Variants in COX15 observed in about 807,000 individuals in gnomAD.
The protein encoded by COX15 is cytochrome c oxidase assembly factor COX15.
COX15 carries 51 observed loss-of-function variants against 51.9 expected under a neutral mutation model. That is an observed-to-expected ratio of 0.98 (90% confidence interval 0.78 to 1.24). COX15 has a LOEUF of 1.24. Ranked by LOEUF, COX15 falls within the 50% of genes most tolerant of loss-of-function variation. The pLI is 0.00. For missense variants in COX15, 420 were observed against 501.1 expected, an observed-to-expected ratio of 0.84 and a Z score of 1.55; for synonymous variants, 188 against 190.5, an observed-to-expected ratio of 0.99 and a Z score of 0.11.
At chr10:99,721,163 G>A (rs2036756839) in intron 5 of COX15, 95 bp from the exon 6 acceptor site, 1 of 943,712 alleles carries the variant, frequency 1.1e-6, no homozygotes. Context: ...GACAAATTAA[G>A]ATCAGATCTT....
downstream of COX15, among the ~76,000 whole-genome samples, chr10:99,707,097 T>C (rs12243417): frequency 3.2e-3 from 492 of 152,376 alleles, 3 homozygotes; most frequent in African/African-American, 0.011. Flanking sequence ...TTTTTATAGT[T>C]GAGAATCTCA....
At position 99,717,185 on chromosome 10, in the gene COX15, C is replaced by T. The variant is rs150220775; in HGVS notation, c.988-724G>A. ...AGCCCTCTGGCCCCCTCTCTCTGGA[C>T]GTGCTGCTCTCATCTCACACTCAAC... On this transcript the variant is annotated intron_variant, in intron 7 of 8. Transcript: ENST00000016171. 4.3e-3 allele frequency among the ~76,000 whole-genome samples: 647 copies of T among 152,224 alleles called. 13 individuals carry two copies. Among genetic ancestry groups the T allele is most frequent in the Non-Finnish European group, 2.7e-3 (187 of 68,010 alleles).
chr10:99,720,563 C>T (rs1381012458), intron 6 of COX15, among the ~76,000 whole-genome samples: 4 of 152,228 alleles, frequency 2.6e-5, no homozygotes, highest in African/African-American at 9.6e-5. Context: ...GTGATGATAA[C>T]AATGTTTATA....
At chr10:99,700,580 ATT>A in the COX15 span, among the ~76,000 whole-genome samples, 2 of 152,170 alleles carry the variant, frequency 1.3e-5, no homozygotes, top group Non-Finnish European at 2.9e-5. Flanking sequence ...AAAAGGAATG[ATT>A]ATTTTGGTGA....
At chr10:99,702,203 A>G in the COX15 span, among the ~76,000 whole-genome samples, 11 of 152,082 alleles carry the variant, frequency 7.2e-5, no homozygotes, top group African/African-American at 2.7e-4. Flanking sequence ...TCTTACTTCA[A>G]CTGGGTTGTT....
At chr10:99,729,871 G>T in intron 1 of COX15, 137 bp from the exon 2 acceptor site, 1 of 877,804 alleles carries the variant, frequency 1.1e-6, no homozygotes, top group Non-Finnish European at 1.8e-6. Context: ...CTCTTATCTG[G>T]ATTACTGCAT....
chr10:99,713,431 C>T lies in COX15; in HGVS notation c.*1156G>A, dbSNP rs1435005100. 4.3e-6 allele frequency: 7 copies of T among 1,613,916 alleles called. No homozygotes were observed. The South Asian group carries it at 5.5e-5, about 13-fold the overall frequency. ...TCCTCAAATCAGATGTTTCTGATGC[C>T]TTCATCCAAATCACTGATTTTAAAA... is the stretch of plus-strand genomic sequence containing the variant. On this transcript the variant is annotated 3_prime_UTR_variant, in exon 9 of 9. Coordinates refer to ENST00000016171, the MANE Select transcript of COX15 (RefSeq NM_078470.6).
intron 6 of COX15, among the ~76,000 whole-genome samples, chr10:99,719,404 G>T (rs1039092288): frequency 6.6e-6 from 1 of 152,090 alleles, no homozygotes; most frequent in Non-Finnish European, 1.5e-5. Context: ...ACGTTGACCA[G>T]GCTGGTCTCG....
At chr10:99,708,760 G>C (rs1231877001), downstream of COX15, 1 of 870,284 alleles carries the variant, frequency 1.1e-6, no homozygotes, top group Non-Finnish European at 1.4e-6. Context: ...GATTTATATG[G>C]GTGATAAAAC....
chr10:99,704,588 C>G, the COX15 span: 2 of 1,614,150 alleles, frequency 1.2e-6, no homozygotes, highest in South Asian at 2.2e-5. Context: ...GCGGCTACGC[C>G]GAATTCACCA....
downstream of COX15, chr10:99,709,636 A>G (rs778853328): frequency 5.1e-6 from 5 of 985,360 alleles, no homozygotes; most frequent in Non-Finnish European, 6.0e-6. Context: ...CATAACCTGG[A>G]TCTAAGTTGG....
intron 8 of COX15, among the ~76,000 whole-genome samples, chr10:99,715,553 A>T (rs189521051): frequency 6.6e-6 from 1 of 152,150 alleles, no homozygotes; most frequent in Admixed American, 6.5e-5. Flanking sequence ...ACTGACACTA[A>T]TAAGTTCATT....
At chr10:99,730,196 T>C (rs917602048) in intron 1 of COX15, among the ~76,000 whole-genome samples, 3 of 152,206 alleles carry the variant, frequency 2.0e-5, no homozygotes, top group Non-Finnish European at 1.5e-5. Flanking sequence ...CACTGTAATG[T>C]ACAGTCAAGC....
intron 4 of COX15, among the ~76,000 whole-genome samples, chr10:99,726,484 TAATTTACC>T (rs2036952937): frequency 6.6e-6 from 1 of 152,136 alleles, no homozygotes; most frequent in African/African-American, 2.4e-5. Flanking sequence ...AGAGGTTAGG[TAATTTACC>T]CTAAGTGTCA....
At chr10:99,702,042 CTG>C in the COX15 span, among the ~76,000 whole-genome samples, 1 of 151,790 alleles carries the variant, frequency 6.6e-6, no homozygotes, top group Non-Finnish European at 1.5e-5. Flanking sequence ...GAGTGAGACT[CTG>C]TCTCAAAAAA....
chr10:99,713,037 C>T lies in COX15; in HGVS notation c.*1550G>A. The T allele has an allele frequency of 8.6e-7, 1 of 1,165,132 alleles. No homozygotes were observed. The highest frequency in any genetic ancestry group is 1.8e-5 in the South Asian group (1 of 54,068). 72.2% of individuals were successfully genotyped at this position (1,165,132 alleles called of 1,614,324 possible). A position where few individuals can be genotyped will look rare whatever the true frequency, so the allele number is the denominator to read the frequency against. ...TCTGATCTCTTCTTCTGGATACACACTTAGTGGCCATCAATATCTTGCTTA... is the reference window on the plus strand; with the variant it reads ...TCTGATCTCTTCTTCTGGATACACATTTAGTGGCCATCAATATCTTGCTTA... On this transcript the variant is annotated 3_prime_UTR_variant, in exon 9 of 9. Transcript: ENST00000016171.
intron 7 of COX15, 149 bp downstream of exon 7, chr10:99,718,197 G>A (rs897211328): frequency 1.0e-5 from 9 of 890,414 alleles, no homozygotes; most frequent in Non-Finnish European, 1.6e-5. Flanking sequence ...CATTAGATTA[G>A]AGAAATGGTC....
chr10:99,715,036 G>A (rs1368703997), intron 8 of COX15, among the ~76,000 whole-genome samples: 1 of 152,060 alleles, frequency 6.6e-6, no homozygotes, highest in Non-Finnish European at 1.5e-5. Context: ...AAAACATATT[G>A]TTCTGTCACT....
intron 4 of COX15, 60 bp downstream of exon 4, chr10:99,726,908 A>C: frequency 6.9e-7 from 1 of 1,459,146 alleles, no homozygotes; most frequent in Non-Finnish European, 9.3e-7. Context: ...AAAAAAAAAC[A>C]ATGCCAACTA....
Sources: gnomAD v4.1 joint callset for allele counts (sites outside exome capture counted in the v4.1 genomes callset) on GRCh38, gnomAD v4.1.1 for gene constraint, MANE v1.5 for transcripts, NCBI Gene and HGNC (gene_info 2026-07-23, HGNC 2026-07-21) for gene names.